Variants in EVI5 observed in about 807,000 individuals in gnomAD.
EVI5 encodes ecotropic viral integration site 5 protein homolog.
Under a neutral mutation model 112.0 loss-of-function variants are expected in EVI5, and 73 were observed. That is an observed-to-expected ratio of 0.65 (90% CI 0.54 to 0.79). EVI5 has a LOEUF of 0.79. EVI5 is among the 30% of genes least tolerant of loss of function. The pLI is 0.00. For missense variants in EVI5, 900 were observed against 968.8 expected, an observed-to-expected ratio of 0.93 and a Z score of 0.94; for synonymous variants, 305 against 319.9, an observed-to-expected ratio of 0.95 and a Z score of 0.50.
intron 1 of EVI5, among the ~76,000 whole-genome samples, chr1:92,748,531 G>GTA (rs1679669062): frequency 6.6e-6 from 1 of 152,134 alleles, no homozygotes; most frequent in Non-Finnish European, 1.5e-5. Flanking sequence ...TAAGTTTCAT[G>GTA]GTGGTTTGTT....
chr1:92,719,117 CA>C (rs1347822897), intron 2 of EVI5, among the ~76,000 whole-genome samples: 1 of 150,566 alleles, frequency 6.6e-6, no homozygotes, highest in African/African-American at 2.5e-5. Context: ...ACCAGAGGTA[CA>C]AAGAGGAGAT....
intron 9 of EVI5, among the ~76,000 whole-genome samples, chr1:92,679,537 A>T (rs907118334): frequency 6.6e-5 from 10 of 151,864 alleles, no homozygotes; most frequent in South Asian, 2.1e-4. Flanking sequence ...AACTTAATTT[A>T]AAAAAAAATA....
intron 14 of EVI5, among the ~76,000 whole-genome samples, chr1:92,626,155 A>T (rs1247419219): frequency 6.6e-6 from 1 of 152,174 alleles, no homozygotes; most frequent in Non-Finnish European, 1.5e-5. Context: ...ACCTAATTTC[A>T]GAATATTTTT....
At chr1:92,681,761 A>T (rs1017994424) in intron 9 of EVI5, among the ~76,000 whole-genome samples, 1 of 152,220 alleles carries the variant, frequency 6.6e-6, no homozygotes, top group African/African-American at 2.4e-5. Context: ...ATTGTCCAAT[A>T]GAGTAGCCAT....
Position 92,513,510 on chromosome 1 carries a change from AATATATATATATATATATATATATATAT to A in EVI5, c.*118_*145del, listed in dbSNP as rs200063630. The A allele has an allele frequency of 7.2e-4, 125 of 172,844 alleles. No homozygotes were observed. Among genetic ancestry groups the A allele is most frequent in the Admixed American group, 1.3e-3 (16 of 12,144 alleles). The allele number at this position is 172,844 out of a possible 1,614,324, so 10.7% of individuals were successfully genotyped here. ...GATAAAAAGGCAGATAAGACTGTAA[AATATATATATATATATATATATATATAT>A]ATATATATATATATATATATATATA... On this transcript the variant is annotated 3_prime_UTR_variant, in exon 20 of 20. Coordinates refer to ENST00000684568, the MANE Select transcript of EVI5 (RefSeq NM_001350197.2).
chr1:92,616,634 T>C (rs1653244864), intron 16 of EVI5, among the ~76,000 whole-genome samples: 1 of 152,180 alleles, frequency 6.6e-6, no homozygotes, highest in Non-Finnish European at 1.5e-5. Flanking sequence ...CAGAGATTCA[T>C]GGCCCCCATA....
rs533017995 is a variant in EVI5, at chr1:92,717,985, C to CAAG, written c.150-13244_150-13242dup. Among the ~76,000 whole-genome samples, 402 of 151,944 alleles carry CAAG rather than the reference C, an allele frequency of 2.6e-3. 2 individuals carry two copies. The highest frequency in any genetic ancestry group is 0.026 in the East Asian group (135 of 5,178). On this transcript the variant is annotated intron_variant, in intron 2 of 19. Transcript: ENST00000684568. Reference sequence around the variant, plus strand: ...CATAATGGTAAAGGGATCAATTCAACAAGAGCTAACTATCCTAAATATATA... The same window carrying CAAG: ...CATAATGGTAAAGGGATCAATTCAACAAGAAGAGCTAACTATCCTAAATATATA...
chr1:92,556,036 G>C (rs1426813296), intron 19 of EVI5, among the ~76,000 whole-genome samples: 1 of 150,836 alleles, frequency 6.6e-6, no homozygotes, highest in African/African-American at 2.4e-5. Context: ...GCCTTAAAAA[G>C]ATCTTATTAA....
chr1:92,761,928 A>G (rs1253733844), intron 1 of EVI5, among the ~76,000 whole-genome samples: 1 of 129,168 alleles, frequency 7.7e-6, no homozygotes, highest in African/African-American at 4.5e-5. Context: ...TGTCTTGCAT[A>G]TTATAAGTAT....
intron 19 of EVI5, among the ~76,000 whole-genome samples, chr1:92,543,886 TA>T (rs1665250181): frequency 6.6e-6 from 1 of 152,170 alleles, no homozygotes; most frequent in Non-Finnish European, 1.5e-5. Context: ...CTTCACTTTG[TA>T]AAAACACAGT....
At chr1:92,770,338 C>G (rs1298843914) in intron 1 of EVI5, among the ~76,000 whole-genome samples, 1 of 152,174 alleles carries the variant, frequency 6.6e-6, no homozygotes, top group African/African-American at 2.4e-5. Context: ...CTTGATTTAA[C>G]CAATCCTCTA....
chr1:92,782,736 C>T (rs756362446), intron 1 of EVI5, among the ~76,000 whole-genome samples: 4 of 152,190 alleles, frequency 2.6e-5, no homozygotes, highest in Non-Finnish European at 5.9e-5. Flanking sequence ...AATGCCACTC[C>T]TACGTACATA....
At chr1:92,759,364 T>TG (rs1172364912) in intron 1 of EVI5, among the ~76,000 whole-genome samples, 2 of 152,122 alleles carry the variant, frequency 1.3e-5, no homozygotes, top group East Asian at 3.8e-4. Flanking sequence ...GAAAAAATGA[T>TG]GGAGCATGAA....
chr1:92,629,150 A>G (rs2101824323), intron 14 of EVI5, among the ~76,000 whole-genome samples: 1 of 152,370 alleles, frequency 6.6e-6, no homozygotes, highest in Non-Finnish European at 1.5e-5. Context: ...ATATTCTGTT[A>G]GCCATTTCTT....
At chr1:92,529,454 A>T (rs947645340) in intron 19 of EVI5, among the ~76,000 whole-genome samples, 2 of 152,230 alleles carry the variant, frequency 1.3e-5, no homozygotes, top group Non-Finnish European at 2.9e-5. Flanking sequence ...ATTTTGGTTT[A>T]ACCTAATGTT....
At chr1:92,648,500 G>A (rs1488547461) in intron 13 of EVI5, among the ~76,000 whole-genome samples, 1 of 152,014 alleles carries the variant, frequency 6.6e-6, no homozygotes, top group Non-Finnish European at 1.5e-5. Context: ...TCATTCTAAA[G>A]TAAAACCCCT....
At chr1:92,626,933 A>G (rs1049577897) in intron 14 of EVI5, among the ~76,000 whole-genome samples, 2 of 152,254 alleles carry the variant, frequency 1.3e-5, no homozygotes, top group African/African-American at 4.8e-5. Context: ...TCAACAGTCA[A>G]GAAATTAATA....
chr1:92,590,162 G>A (rs893969945), intron 18 of EVI5, among the ~76,000 whole-genome samples: 8 of 152,100 alleles, frequency 5.3e-5, no homozygotes, highest in Non-Finnish European at 1.0e-4. Flanking sequence ...ACAAAGATGC[G>A]GAAAAAACAG....
chr1:92,773,190 G>GCAAGA, intron 1 of EVI5, among the ~76,000 whole-genome samples: 1 of 98,630 alleles, frequency 1.0e-5, no homozygotes, highest in East Asian at 3.0e-4. Flanking sequence ...TGAGCAACAG[G>GCAAGA]CTGTCTCAAA....
Sources: gnomAD v4.1 joint callset for allele counts (sites outside exome capture counted in the v4.1 genomes callset) on GRCh38, gnomAD v4.1.1 for gene constraint, MANE v1.5 for transcripts, NCBI Gene and HGNC (gene_info 2026-07-23, HGNC 2026-07-21) for gene names.